The following TET3 variants were observed in gnomAD, a reference collection of about 807,000 sequenced individuals.
TET3 encodes methylcytosine dioxygenase TET3.
Under a neutral mutation model 141.4 loss-of-function variants are expected in TET3, and 19 were observed. The ratio of observed to expected loss-of-function variants is 0.13; its 90% CI spans 0.09 to 0.20. TET3 has a LOEUF of 0.20. Ranked by LOEUF, TET3 falls within the 10% of genes least tolerant of loss-of-function variation. The pLI, the probability that TET3 is intolerant of heterozygous loss-of-function variation, is 1.00. For synonymous variants in TET3, 1,043 were observed against 980.9 expected, an observed-to-expected ratio of 1.06 and a Z score of -1.18; for missense variants, 1,874 against 2,356.9, an observed-to-expected ratio of 0.80 and a Z score of 4.24.
chr2:74,126,778 C>T, the TET3 span, among the ~76,000 whole-genome samples: 1 of 152,172 alleles, frequency 6.6e-6, no homozygotes, highest in Admixed American at 6.5e-5. Flanking sequence ...GCTGGGATTA[C>T]AGGCGTGAGC....
rs1426452645 is a variant in TET3, at chr2:74,102,822, CCT to C, written c.*651_*652del. 6.6e-6 allele frequency: 1 copy of C among 152,204 alleles called. No individual in the cohort carries two copies. Among genetic ancestry groups the C allele is most frequent in the Non-Finnish European group, 1.5e-5 (1 of 68,044 alleles). The allele number at this position is 152,204 out of a possible 1,614,324, so 9.4% of individuals were successfully genotyped here. ...AAGGGAGCCTCAGGACAGCTTCTGT[CCT>C]CTCTGATAGGATGGGAGAGTCTGCA... On this transcript the variant is annotated 3_prime_UTR_variant, in exon 12 of 12. Coordinates refer to ENST00000409262, the MANE Select transcript of TET3 (RefSeq NM_001287491.2).
At chr2:74,127,570 A>G in the TET3 span, among the ~76,000 whole-genome samples, 2 of 152,218 alleles carry the variant, frequency 1.3e-5, no homozygotes, top group African/African-American at 2.4e-5. Context: ...CCTATATCAG[A>G]TGATGAACTC....
chr2:74,039,079 G>A (rs956793112), intron 3 of TET3, among the ~76,000 whole-genome samples: 2 of 152,168 alleles, frequency 1.3e-5, no homozygotes, highest in African/African-American at 2.4e-5. Flanking sequence ...CCTGCAGTCT[G>A]TCTTCTGCAA....
chr2:74,061,440 C>T (rs569220880), intron 4 of TET3, among the ~76,000 whole-genome samples: 1,474 of 145,312 alleles, frequency 0.01, 50 homozygotes, highest in African/African-American at 0.035. Context: ...ACCTCCCTCC[C>T]GGACGGGGCG....
chr2:74,086,417 C>T (rs931600586), intron 6 of TET3, among the ~76,000 whole-genome samples: 2 of 151,950 alleles, frequency 1.3e-5, no homozygotes, highest in East Asian at 1.9e-4. Context: ...ATACAATTCT[C>T]GTACCATACA....
chr2:73,986,968 C>T (rs1283576031), intron 2 of TET3, among the ~76,000 whole-genome samples: 1 of 152,154 alleles, frequency 6.6e-6, no homozygotes, highest in Non-Finnish European at 1.5e-5. Flanking sequence ...GTGATGTCTA[C>T]CTTTACCTCT....
chr2:74,022,094 CTTTTT>C (rs34529157), intron 3 of TET3, among the ~76,000 whole-genome samples: 6 of 82,770 alleles, frequency 7.2e-5, no homozygotes, highest in South Asian at 4.3e-4. Context: ...TTCTAGGACA[CTTTTT>C]TTTTTTTTTT....
At chr2:74,069,075 A>T (rs559022964) in intron 4 of TET3, among the ~76,000 whole-genome samples, 2 of 152,142 alleles carry the variant, frequency 1.3e-5, no homozygotes, top group African/African-American at 4.8e-5. Context: ...TGTCATACTT[A>T]GAGAAGACCC....
chr2:74,116,577 C>T, the TET3 span, among the ~76,000 whole-genome samples: 1 of 151,184 alleles, frequency 6.6e-6, no homozygotes, highest in Admixed American at 6.6e-5. Context: ...CCCAGCTACT[C>T]GGCAGGCTGA....
At chr2:74,123,426 G>A in the TET3 span, among the ~76,000 whole-genome samples, 1 of 152,200 alleles carries the variant, frequency 6.6e-6, no homozygotes, top group Non-Finnish European at 1.5e-5. Context: ...ACACCATCCT[G>A]GCTAACATGG....
chr2:74,061,301 T>G (rs1688530758), intron 4 of TET3, among the ~76,000 whole-genome samples: 1 of 134,396 alleles, frequency 7.4e-6, no homozygotes, highest in Non-Finnish European at 1.6e-5. Context: ...GGCTCCTCAC[T>G]TCCCAGTAGG....
the TET3 span, among the ~76,000 whole-genome samples, chr2:74,125,657 T>C: frequency 6.6e-6 from 1 of 152,130 alleles, no homozygotes; most frequent in Non-Finnish European, 1.5e-5. Context: ...ACTTCAGCTC[T>C]CATATATAGT....
At chr2:74,128,320 T>C in the TET3 span, among the ~76,000 whole-genome samples, 2 of 152,222 alleles carry the variant, frequency 1.3e-5, no homozygotes, top group Admixed American at 6.5e-5. Context: ...AATTGCTTTC[T>C]GTCAAACCCA....
In TET3 at chr2:74,075,441, G is replaced by T. The variant is rs1040451085; in HGVS notation, c.2585+1802G>T. On this transcript the variant is annotated intron_variant, in intron 5 of 11. Transcript: ENST00000409262. ...CCTCCCAGGTTCAAGCAATTTTCCT[G>T]TCTCAGTCTCCCGAGTACCTGAGAC... Among the ~76,000 whole-genome samples the T allele has an allele frequency of 2.1e-5, 3 of 140,128 alleles. 1 individual carries two copies. The highest frequency in any genetic ancestry group is 4.4e-4 in the South Asian group (2 of 4,566). The allele number at this position is 140,128 out of a possible 152,430, so 91.9% of individuals were successfully genotyped here.
chr2:74,039,259 A>C (rs567533102), intron 3 of TET3, among the ~76,000 whole-genome samples: 1 of 152,232 alleles, frequency 6.6e-6, no homozygotes, highest in African/African-American at 2.4e-5. Flanking sequence ...TATTCCTTCC[A>C]TCTGGAACTC....
chr2:74,041,623 T>C (rs983452877), intron 3 of TET3, among the ~76,000 whole-genome samples: 4 of 152,234 alleles, frequency 2.6e-5, no homozygotes, highest in African/African-American at 9.6e-5. Context: ...AAGTACTGTT[T>C]TACAAAACTT....
intron 2 of TET3, among the ~76,000 whole-genome samples, chr2:73,987,310 G>C (rs985911834): frequency 6.6e-6 from 1 of 152,220 alleles, no homozygotes; most frequent in Non-Finnish European, 1.5e-5. Flanking sequence ...TTGGCAGGTA[G>C]TAGGCACTCA....
Position 74,046,392 on chromosome 2 carries a change from G to T in TET3, c.475G>T (p.Ala159Ser). The T allele has an allele frequency of 1.3e-6, 2 of 1,565,156 alleles. No homozygotes were observed. Among genetic ancestry groups the T allele is most frequent in the Non-Finnish European group, 1.7e-6 (2 of 1,157,716 alleles). ...CGCCTCAGGGGTGCCGGTCAATGGT[G>T]CTAGAGAGCCCGCTGGACCCAGTCT... is the stretch of plus-strand genomic sequence containing the variant. ...LSASGVPVNG[A>S]REPAGPSLLG... The change falls in exon 4 of 12, where the codon GCT (alanine) becomes TCT (serine). Residue 159 changes from alanine to serine, a missense_variant. Around this residue, in one of 10 missense-constraint regions of TET3, gnomAD observed 366 missense variants for 487.0 expected, o/e 0.75. Transcript: ENST00000409262. The surrounding 1 kb of genome is among the most constrained non-coding windows in gnomAD (Gnocchi z 4.3).
rs182187334 is a variant in TET3 at position 74,102,444 on chromosome 2, G to C, written c.*268G>C. 1,694 of 314,846 alleles carry C rather than the reference G, an allele frequency of 5.4e-3. 69 individuals carry two copies. In the East Asian group the frequency reaches 0.078, roughly 14 times the overall value. The allele number at this position is 314,846 out of a possible 1,614,324, so 19.5% of individuals were successfully genotyped here. On this transcript the variant is annotated 3_prime_UTR_variant, in exon 12 of 12. Coordinates refer to ENST00000409262, the MANE Select transcript of TET3 (RefSeq NM_001287491.2). ...GTGATCTTAATATTTATATCTCCAA[G>C]TTGTCCCCCCCCCTTGTCTGGGGGG... is the stretch of plus-strand genomic sequence containing the variant.
Sources: gnomAD v4.1 joint callset for allele counts (sites outside exome capture counted in the v4.1 genomes callset) on GRCh38, gnomAD v4.1.1 for gene constraint, gnomAD v4.1.1 regional missense constraint, Gnocchi (gnomAD v3.1) non-coding constraint, MANE v1.5 for transcripts, NCBI Gene and HGNC (gene_info 2026-07-23, HGNC 2026-07-21) for gene names.